The following ACAN variants were observed in gnomAD, a reference collection of about 807,000 sequenced individuals.
ACAN encodes aggrecan, also known as aggrecan core protein.
Under a neutral mutation model 169.1 loss-of-function variants are expected in ACAN, and 47 were observed. That is an observed-to-expected ratio of 0.28 (90% CI 0.22 to 0.35). The LOEUF is 0.35. Among genes scored for constraint, ACAN ranks in the 10% least tolerant of loss-of-function variants. The pLI, the probability that ACAN is intolerant of heterozygous loss-of-function variation, is 1.00. For synonymous variants in ACAN, 1,115 were observed against 1,112.2 expected, an observed-to-expected ratio of 1.00 and a Z score of -0.05; for missense variants, 2,716 against 2,759.9, an observed-to-expected ratio of 0.98 and a Z score of 0.36.
At chr15:88,805,067 G>C (rs1168805138) in intron 1 of ACAN, among the ~76,000 whole-genome samples, 1 of 152,206 alleles carries the variant, frequency 6.6e-6, no homozygotes, top group Non-Finnish European at 1.5e-5. Flanking sequence ...GGCAGAACTA[G>C]AATCCAGGTT....
At chr15:88,842,509 CA>C (rs532873316) in intron 5 of ACAN, among the ~76,000 whole-genome samples, 76,667 of 150,276 alleles carry the variant, frequency 0.51, 19,744 homozygotes, top group Non-Finnish European at 0.57. Flanking sequence ...CCTCCCTGCC[CA>C]TCCCCCCTCC....
At position 88,866,261 on chromosome 15, in the gene ACAN, T is replaced by C. The variant is rs891622136; in HGVS notation, c.6947-1955T>C. Among the ~76,000 whole-genome samples, 4 of 152,196 alleles carry C rather than the reference T, an allele frequency of 2.6e-5. No individual in the cohort carries two copies. Among genetic ancestry groups the C allele is most frequent in the African/African-American group, 7.2e-5 (3 of 41,448 alleles). ...AGGCCCCAGGGTTGATGTTTTACTC[T>C]TCTCCCCAGAGGCCACTCCTGTTCC... On this transcript the variant is annotated intron_variant, in intron 13 of 18. Coordinates refer to ENST00000560601, the MANE Select transcript of ACAN (RefSeq NM_001369268.1). This position sits in a 1 kb window ranked among gnomAD's most constrained non-coding sequence, Gnocchi z 5.6.
In ACAN at chr15:88,845,497, T is replaced by C; in HGVS notation, c.1052-8T>C. The C allele has an allele frequency of 3.8e-6, 6 of 1,589,764 alleles. No individual in the cohort carries two copies. The highest frequency in any genetic ancestry group is 5.2e-6 in the Non-Finnish European group (6 of 1,164,226). ...AGAGGCTAAAGCTTGTCTTTGCCCC[T>C]CCCCTAGGTGAAGACTTTGTGGACA... On this transcript the variant is annotated splice_region_variant and splice_polypyrimidine_tract_variant and intron_variant, in intron 6 of 18. Coordinates refer to ENST00000560601, the MANE Select transcript of ACAN (RefSeq NM_001369268.1).
intron 1 of ACAN, among the ~76,000 whole-genome samples, chr15:88,817,671 TG>T (rs1244354300): frequency 1.3e-5 from 2 of 151,302 alleles, no homozygotes; most frequent in African/African-American, 4.9e-5. Context: ...CTGAGAAACA[TG>T]GTGAAACCCT....
intron 4 of ACAN, among the ~76,000 whole-genome samples, chr15:88,841,131 C>T (rs978910903): frequency 3.9e-5 from 6 of 152,322 alleles, no homozygotes; most frequent in African/African-American, 9.6e-5. Flanking sequence ...GGTGACAGAG[C>T]GAGACTCCGT....
intron 1 of ACAN, among the ~76,000 whole-genome samples, chr15:88,808,983 C>T (rs1208780439): frequency 6.6e-6 from 1 of 152,182 alleles, no homozygotes. Flanking sequence ...AGCTGTATCC[C>T]CTTGGGTAAG....
chr15:88,840,076 G>T lies in ACAN; in HGVS notation c.519G>T (p.Arg173=), dbSNP rs368963320. The T allele has an allele frequency of 3.4e-4, 551 of 1,603,050 alleles. No individual in the cohort carries two copies. The highest frequency in any genetic ancestry group is 4.4e-4 in the Non-Finnish European group (516 of 1,174,572). The change falls in exon 4 of 19, where the codon CGG becomes CGT. Residue 173 remains arginine (R), a synonymous_variant. Coordinates refer to ENST00000560601, the MANE Select transcript of ACAN (RefSeq NM_001369268.1). ...CCCTCGACTTTGACAGGGCGCAGCGGGCCTGCCTGCAGAACAGTGCCATCA... is the reference window on the plus strand; with the variant it reads ...CCCTCGACTTTGACAGGGCGCAGCGTGCCTGCCTGCAGAACAGTGCCATCA... ...RYTLDFDRAQ[R]ACLQNSAIIA...
chr15:88,812,627 TG>T (rs1159245795), intron 1 of ACAN, among the ~76,000 whole-genome samples: 1 of 152,192 alleles, frequency 6.6e-6, no homozygotes, highest in Non-Finnish European at 1.5e-5. Flanking sequence ...TTTGCATGGC[TG>T]GTTCATTCTG....
chr15:88,855,394 C>T lies in ACAN; in HGVS notation c.2809C>T (p.Leu937=), dbSNP rs751379855. The change falls in exon 12 of 19, where the codon CTG becomes TTG. Residue 937 remains leucine, a synonymous_variant. Coordinates refer to ENST00000560601, the MANE Select transcript of ACAN (RefSeq NM_001369268.1). ...EWPSTPTVGE[L]PSGAEILEGS... is the part of the protein sequence containing the mutation. ...GCCCAGCACTCCTACGGTTGGTGAA[C>T]TGCCCTCTGGAGCTGAGATCCTAGA... 1.9e-6 allele frequency: 3 copies of T among 1,613,734 alleles called. No homozygotes were observed. In the Admixed American group the frequency reaches 5.0e-5, roughly 27 times the overall value.
chr15:88,868,069 CA>C lies in ACAN; in HGVS notation c.6947-146del, dbSNP rs1897308595. On this transcript the variant is annotated intron_variant, in intron 13 of 18. Transcript: ENST00000560601. This position sits in a 1 kb window ranked among gnomAD's most constrained non-coding sequence, Gnocchi z 5.2. Reference sequence around the variant, plus strand: ...TCCAAGATGGCAGCAGCAGCAGCAGCAGCAGCAACAGTTCTCAGGAAAACCA... The same window carrying C: ...TCCAAGATGGCAGCAGCAGCAGCAGCGCAGCAACAGTTCTCAGGAAAACCA... 4.8e-6 allele frequency: 3 copies of C among 621,636 alleles called. No individual in the cohort carries two copies. The highest frequency in any genetic ancestry group is 8.6e-6 in the Non-Finnish European group (3 of 348,112). The allele number at this position is 621,636 out of a possible 1,614,324, so 38.5% of individuals were successfully genotyped here.
intron 1 of ACAN, among the ~76,000 whole-genome samples, chr15:88,810,549 T>A (rs1462567570): frequency 6.6e-6 from 1 of 151,724 alleles, no homozygotes; most frequent in African/African-American, 2.4e-5. Context: ...GCTCCCTGTC[T>A]CCCCTCCAGC....
At chr15:88,844,302 T>C (rs1896742897) in intron 6 of ACAN, among the ~76,000 whole-genome samples, 1 of 150,858 alleles carries the variant, frequency 6.6e-6, no homozygotes, top group African/African-American at 2.4e-5. Flanking sequence ...TGCTTTTTTT[T>C]TTTTTTTTTT....
intron 7 of ACAN, among the ~76,000 whole-genome samples, chr15:88,846,627 C>T (rs1896797134): frequency 2.0e-5 from 3 of 152,118 alleles, no homozygotes; most frequent in African/African-American, 7.2e-5. Context: ...ACAATAACAA[C>T]AATACAACAA....
In ACAN at chr15:88,841,729, G is replaced by A. The variant is rs766091585; in HGVS notation, c.630-11G>A. On this transcript the variant is annotated splice_polypyrimidine_tract_variant and intron_variant, in intron 4 of 18. Transcript: ENST00000560601. ...CCTGAGTGTCACACCTCCATTTCGG[G>A]TTCCTGGCAGATACCCCATCCACAC... is the stretch of plus-strand genomic sequence containing the variant. The A allele has an allele frequency of 1.9e-6, 3 of 1,613,666 alleles. No homozygotes were observed. The highest frequency in any genetic ancestry group is 2.5e-6 in the Non-Finnish European group (3 of 1,179,780).
chr15:88,829,151 C>G (rs1190196402), intron 1 of ACAN, among the ~76,000 whole-genome samples: 1 of 152,008 alleles, frequency 6.6e-6, no homozygotes, highest in East Asian at 1.9e-4. Flanking sequence ...GAGCAAGTAA[C>G]AAATTTGGAA....
In ACAN at chr15:88,843,786, A is replaced by G; in HGVS notation, c.1051+138A>G. On this transcript the variant is annotated intron_variant, in intron 6 of 18. Coordinates refer to ENST00000560601, the MANE Select transcript of ACAN (RefSeq NM_001369268.1). The surrounding 1 kb of genome is among the most constrained non-coding windows in gnomAD (Gnocchi z 4.0). ...GGTACCTGAACCCCATGTTTTTAGGACACCCCTCCATTTTCACTGGTTCCT... is the reference window on the plus strand; with the variant it reads ...GGTACCTGAACCCCATGTTTTTAGGGCACCCCTCCATTTTCACTGGTTCCT... The G allele has an allele frequency of 4.7e-6, 5 of 1,073,682 alleles. No individual in the cohort carries two copies. Among genetic ancestry groups the G allele is most frequent in the Non-Finnish European group, 6.5e-6 (5 of 774,368 alleles). The allele number at this position is 1,073,682 out of a possible 1,614,324, so 66.5% of individuals were successfully genotyped here.
In ACAN at chr15:88,857,877, T is replaced by C; in HGVS notation, c.5292T>C (p.Gly1764=). Residue 1764 remains glycine (G), a synonymous_variant, in exon 12 of 19, where the codon GGT becomes GGC. Transcript: ENST00000560601. ...GCGGGCTGTCCTCTGGACAACCAGG[T>C]ATTAGTGGAGAAGCATCTGGAGTTC... ...ELSGLSSGQP[G]ISGEASGVLY... is the part of the protein sequence containing the mutation. 1 of 1,613,528 alleles carries C rather than the reference T, an allele frequency of 6.2e-7. No homozygotes were observed. Among genetic ancestry groups the C allele is most frequent in the Non-Finnish European group, 8.5e-7 (1 of 1,179,766 alleles).
intron 1 of ACAN, among the ~76,000 whole-genome samples, chr15:88,830,634 A>G (rs777606064): frequency 5.9e-5 from 9 of 151,732 alleles, no homozygotes; most frequent in Admixed American, 1.3e-4. Context: ...ATCTAAACCT[A>G]TAAAAGATAC....
chr15:88,821,100 G>A (rs1411113758), intron 1 of ACAN, among the ~76,000 whole-genome samples: 4 of 152,126 alleles, frequency 2.6e-5, no homozygotes, highest in African/African-American at 4.8e-5. Flanking sequence ...CCCATGATTC[G>A]ATTACCTCCC....
Sources: allele counts gnomAD v4.1 joint callset (sites outside exome capture counted in the v4.1 genomes callset), GRCh38; gene constraint gnomAD v4.1.1; non-coding constraint Gnocchi (gnomAD v3.1); transcripts MANE v1.5; gene names NCBI Gene and HGNC (gene_info 2026-07-23, HGNC 2026-07-21).